Variants in SAMMSON observed in about 807,000 individuals in gnomAD.
SAMMSON encodes the protein survival associated mitochondrial melanoma specific oncogenic non-coding RNA.
chr3:70,161,406 G>A (rs1003003684), intron 4 of SAMMSON, among the ~76,000 whole-genome samples: 3 of 151,820 alleles, frequency 2.0e-5, no homozygotes, highest in East Asian at 3.9e-4. Flanking sequence ...TTTTGAATGC[G>A]TTTTCAGTAT....
intron 3 of SAMMSON, among the ~76,000 whole-genome samples, chr3:70,045,417 T>A (rs143043249): frequency 1.0e-3 from 158 of 151,430 alleles, no homozygotes; most frequent in South Asian, 1.5e-3. Context: ...AGCAAGAGAA[T>A]CAATCTCTTT....
In SAMMSON at chr3:70,083,257, C is replaced by T. The variant is rs1327635490; in HGVS notation, n.507+11692C>T. 5.3e-5 allele frequency among the ~76,000 whole-genome samples: 8 copies of T among 152,102 alleles called. No individual in the cohort carries two copies. In the East Asian group the frequency reaches 5.8e-4, roughly 11 times the overall value. On this transcript the variant is annotated intron_variant and non_coding_transcript_variant, in intron 4 of 9. Transcript: ENST00000642114. Reference sequence around the variant, plus strand: ...TGCCATTTGGTTTTCATTCTGAGGCCGCATGTGACTATAACGTAAATACTT... The same window carrying T: ...TGCCATTTGGTTTTCATTCTGAGGCTGCATGTGACTATAACGTAAATACTT...
At chr3:70,120,946 A>G (rs897845405) in intron 4 of SAMMSON, among the ~76,000 whole-genome samples, 1 of 152,206 alleles carries the variant, frequency 6.6e-6, no homozygotes, top group South Asian at 2.1e-4. Flanking sequence ...GTAATACATA[A>G]TGAAATAATT....
At chr3:70,252,120 T>C (rs1416524071) in intron 6 of SAMMSON, among the ~76,000 whole-genome samples, 1 of 152,190 alleles carries the variant, frequency 6.6e-6, no homozygotes, top group Non-Finnish European at 1.5e-5. Context: ...ATTCAGCTCA[T>C]ATAGATCTGA....
chr3:70,265,259 G>T (rs11710654), intron 6 of SAMMSON, among the ~76,000 whole-genome samples: 11,369 of 152,154 alleles, frequency 0.075, 545 homozygotes, highest in East Asian at 0.13. Context: ...GAGATATAGG[G>T]GATTGAAAGG....
chr3:70,100,686 C>T (rs1421539683), intron 4 of SAMMSON, among the ~76,000 whole-genome samples: 1 of 152,136 alleles, frequency 6.6e-6, no homozygotes, highest in Non-Finnish European at 1.5e-5. Flanking sequence ...TGTTAATTTA[C>T]TCTGTTCTCT....
chr3:70,155,692 C>A (rs6549282), intron 4 of SAMMSON, among the ~76,000 whole-genome samples: 57,708 of 151,806 alleles, frequency 0.38, 11,515 homozygotes, highest in East Asian at 0.72. Flanking sequence ...TAATAACATA[C>A]AAGCCATTCT....
chr3:70,193,749 AACTTT>A (rs1311867939), intron 4 of SAMMSON, among the ~76,000 whole-genome samples: 4 of 152,236 alleles, frequency 2.6e-5, no homozygotes, highest in South Asian at 2.1e-4. Context: ...GCAGTCAAAC[AACTTT>A]ACTTAAGTTT....
intron 2 of SAMMSON, among the ~76,000 whole-genome samples, chr3:70,426,433 G>A (rs947084609): frequency 4.6e-5 from 7 of 152,212 alleles, no homozygotes; most frequent in African/African-American, 1.7e-4. Flanking sequence ...CTGATCAAGA[G>A]TTTCTCCCAT....
At chr3:70,072,067 T>G (rs910187116) in intron 4 of SAMMSON, 1 of 151,954 alleles carries the variant, frequency 6.6e-6, no homozygotes, top group Non-Finnish European at 1.5e-5. Flanking sequence ...TTTAAAAACT[T>G]TCAAAGGTAC....
intron 6 of SAMMSON, among the ~76,000 whole-genome samples, chr3:70,282,394 C>A (rs1422113548): frequency 6.6e-6 from 1 of 152,160 alleles, no homozygotes; most frequent in Non-Finnish European, 1.5e-5. Flanking sequence ...CTTTGTAAAT[C>A]CGATCATGTT....
intron 3 of SAMMSON, among the ~76,000 whole-genome samples, chr3:70,039,303 G>C (rs552705503): frequency 1.3e-5 from 2 of 152,110 alleles, no homozygotes; most frequent in East Asian, 3.9e-4. Context: ...AATTTTATGT[G>C]CCAACTTAGT....
intron 4 of SAMMSON, among the ~76,000 whole-genome samples, chr3:70,182,463 G>A (rs537622623): frequency 6.6e-6 from 1 of 152,112 alleles, no homozygotes; most frequent in Non-Finnish European, 1.5e-5. Flanking sequence ...AGAGTGTTCA[G>A]GGTACAATTG....
chr3:70,343,294 A>AATAT (rs1177715580), intron 7 of SAMMSON, among the ~76,000 whole-genome samples: 1 of 152,118 alleles, frequency 6.6e-6, no homozygotes, highest in African/African-American at 2.4e-5. Flanking sequence ...TTTTAGTTTT[A>AATAT]ATATTAACTA....
intron 6 of SAMMSON, among the ~76,000 whole-genome samples, chr3:70,267,391 T>C (rs34471666): frequency 7.1e-6 from 1 of 140,400 alleles, no homozygotes; most frequent in Non-Finnish European, 1.5e-5. Context: ...TCTTTTTTAA[T>C]AGCTTTTTTT....
intron 4 of SAMMSON, among the ~76,000 whole-genome samples, chr3:70,131,275 G>T: frequency 6.6e-6 from 1 of 152,308 alleles, no homozygotes; most frequent in South Asian, 2.1e-4. Flanking sequence ...AAAGCAGGAT[G>T]CTTTTGAAAG....
rs9310185 is a variant in SAMMSON at position 70,267,394 on chromosome 3, C to CT, written n.674+17750dup. Among the ~76,000 whole-genome samples, 36 of 74,846 alleles carry CT rather than the reference C, an allele frequency of 4.8e-4. 1 individual carries two copies. Among genetic ancestry groups the CT allele is most frequent in the African/African-American group, 1.6e-3 (30 of 18,274 alleles). 49.1% of individuals were successfully genotyped at this position (74,846 alleles called of 152,430 possible). ...TCTTGTACAGATTCTTTTTTAATAG[C>CT]TTTTTTTTTTTTTTTTTTTTTTTTT... On this transcript the variant is annotated intron_variant and non_coding_transcript_variant, in intron 6 of 9. Coordinates refer to ENST00000642114, the Ensembl canonical transcript of SAMMSON.
intron 1 of SAMMSON, among the ~76,000 whole-genome samples, chr3:70,001,977 T>C (rs1231613696): frequency 6.6e-6 from 1 of 152,222 alleles, no homozygotes; most frequent in African/African-American, 2.4e-5. Flanking sequence ...AATTAACTTC[T>C]GTTGCTTGTA....
At chr3:70,157,197 G>T (rs1198873190) in intron 4 of SAMMSON, among the ~76,000 whole-genome samples, 1 of 151,980 alleles carries the variant, frequency 6.6e-6, no homozygotes, top group African/African-American at 2.4e-5. Flanking sequence ...TCTGAGCATT[G>T]CTTGATGCAA....
Sources: gnomAD v4.1 joint callset for allele counts (sites outside exome capture counted in the v4.1 genomes callset) on GRCh38, gnomAD v4.1.1 for gene constraint, MANE v1.5 for transcripts, NCBI Gene and HGNC (gene_info 2026-07-23, HGNC 2026-07-21) for gene names.